PHACTR1: variants seen among roughly 807,000 people sequenced by gnomAD.
The protein encoded by PHACTR1 is RPEL repeat containing 1.
A neutral mutation model predicts 69.2 loss-of-function variants in PHACTR1; 16 were observed. The ratio of observed to expected loss-of-function variants is 0.23; its 90% CI spans 0.16 to 0.35. PHACTR1 has a LOEUF of 0.35. Among genes scored for constraint, PHACTR1 ranks in the 10% least tolerant of loss-of-function variants. PHACTR1 has a pLI of 1.00. For missense variants in PHACTR1, 510 were observed against 734.7 expected (o/e 0.69, Z 3.54); for synonymous variants, 312 against 284.5 (o/e 1.10, Z -0.97).
chr6:13,177,429 GTA>G (rs1014238567), intron 6 of PHACTR1, among the ~76,000 whole-genome samples: 1 of 73,656 alleles, frequency 1.4e-5, no homozygotes, highest in Admixed American at 1.8e-4. Context: ...ATATATGTAT[GTA>G]TGTGTATATA....
intron 4 of PHACTR1, among the ~76,000 whole-genome samples, chr6:12,838,530 A>C (rs1778386099): frequency 6.6e-6 from 1 of 152,234 alleles, no homozygotes; most frequent in African/African-American, 2.4e-5. Flanking sequence ...GGAAAATATT[A>C]AAAGTAGTAG....
intron 3 of PHACTR1, among the ~76,000 whole-genome samples, chr6:12,731,904 C>T (rs867553500): frequency 3.4e-4 from 51 of 151,606 alleles, no homozygotes; most frequent in Non-Finnish European, 4.9e-4. Context: ...CAATGTTGTG[C>T]GATACAAATG....
chr6:12,964,279 A>G (rs1024324050), intron 4 of PHACTR1, among the ~76,000 whole-genome samples: 10 of 152,332 alleles, frequency 6.6e-5, no homozygotes, highest in African/African-American at 2.2e-4. Flanking sequence ...TGTACATAAA[A>G]TTTTAACAAA....
intron 5 of PHACTR1, among the ~76,000 whole-genome samples, chr6:13,148,693 CCT>C (rs1554139132): frequency 6.6e-6 from 1 of 152,204 alleles, no homozygotes; most frequent in Non-Finnish European, 1.5e-5. Context: ...ACATGGTCTA[CCT>C]CATACTGTAT....
chr6:12,783,637 A>T (rs1229562275), intron 4 of PHACTR1, among the ~76,000 whole-genome samples: 1 of 152,186 alleles, frequency 6.6e-6, no homozygotes, highest in Non-Finnish European at 1.5e-5. Flanking sequence ...TGTAACAGTT[A>T]ACCTTTATTG....
At chr6:13,013,072 A>C (rs1245330593) in intron 4 of PHACTR1, among the ~76,000 whole-genome samples, 1 of 152,110 alleles carries the variant, frequency 6.6e-6, no homozygotes, top group Non-Finnish European at 1.5e-5. Flanking sequence ...TTTGTTTTTT[A>C]AAGAAAAGAC....
intron 4 of PHACTR1, among the ~76,000 whole-genome samples, chr6:12,750,701 T>C (rs6458439): frequency 0.48 from 73,079 of 151,980 alleles, 19,244 homozygotes; most frequent in African/African-American, 0.7. Context: ...CTGCTGCTCC[T>C]AACTCGACTC....
rs948620842 is a variant in PHACTR1 at position 13,024,412 on chromosome 6, C to T, written c.251-28953C>T. Among the ~76,000 whole-genome samples the T allele has an allele frequency of 2.6e-5, 4 of 152,156 alleles. No individual in the cohort carries two copies. The East Asian group carries it at 7.7e-4, about 29-fold the overall frequency. ...ACTGTCACCGGTCTGATGAGCTGAC[C>T]TAATCCACATGATGAGAGGATGTGT... On this transcript the variant is annotated intron_variant, in intron 4 of 14. Coordinates refer to ENST00000332995, the MANE Select transcript of PHACTR1 (RefSeq NM_030948.6).
At chr6:12,753,970 A>ATATAT (rs1490045072) in intron 4 of PHACTR1, among the ~76,000 whole-genome samples, 1 of 134,498 alleles carries the variant, frequency 7.4e-6, no homozygotes, top group Non-Finnish European at 1.6e-5. Context: ...ATATATATAT[A>ATATAT]TTTTTTTTTT....
At chr6:13,285,165 G>C (rs1781396721) in intron 13 of PHACTR1, among the ~76,000 whole-genome samples, 1 of 152,236 alleles carries the variant, frequency 6.6e-6, no homozygotes, top group Non-Finnish European at 1.5e-5. Flanking sequence ...CCCTCATAGA[G>C]TTCTGAGTAG....
At chr6:13,190,015 C>T (rs56160191) in intron 7 of PHACTR1, among the ~76,000 whole-genome samples, 45,856 of 142,176 alleles carry the variant, frequency 0.32, 7,535 homozygotes, top group Admixed American at 0.41. Context: ...TCTCTGATAT[C>T]TCTTCTGCTT....
rs79967080 is a variant in PHACTR1 at position 12,867,353 on chromosome 6, C to T, written c.250+117563C>T. 4.8e-3 allele frequency among the ~76,000 whole-genome samples: 726 copies of T among 152,316 alleles called. 4 individuals are homozygous for T. Among genetic ancestry groups the T allele is most frequent in the African/African-American group, 0.017 (698 of 41,564 alleles). ...TCATTGCAAACTGGAAATAACAATA[C>T]CTAAATGATCAAGTTCTTCCAACAA... is the stretch of plus-strand genomic sequence containing the variant. On this transcript the variant is annotated intron_variant, in intron 4 of 14. Transcript: ENST00000332995.
intron 5 of PHACTR1, among the ~76,000 whole-genome samples, chr6:13,056,675 C>T (rs974777038): frequency 6.6e-6 from 1 of 152,144 alleles, no homozygotes; most frequent in African/African-American, 2.4e-5. Flanking sequence ...AACTCTGATA[C>T]AGCATGGGCA....
intron 3 of PHACTR1, among the ~76,000 whole-genome samples, chr6:12,721,158 G>T (rs555010659): frequency 9.8e-4 from 149 of 152,272 alleles, no homozygotes; most frequent in African/African-American, 3.4e-3. Context: ...AGCCGAGGCG[G>T]GTGGATCACT....
intron 4 of PHACTR1, among the ~76,000 whole-genome samples, chr6:12,999,216 G>T (rs546344737): frequency 2.3e-4 from 35 of 152,334 alleles, no homozygotes; most frequent in African/African-American, 8.2e-4. Flanking sequence ...AAGGGTTGAA[G>T]AATCTTGTGA....
chr6:13,255,159 A>G (rs1184944039), intron 10 of PHACTR1, among the ~76,000 whole-genome samples: 2 of 152,322 alleles, frequency 1.3e-5, no homozygotes, highest in African/African-American at 2.4e-5. Flanking sequence ...AATGTGTCAT[A>G]CATGCTAGGA....
chr6:12,731,097 C>G (rs906816901), intron 3 of PHACTR1, among the ~76,000 whole-genome samples: 1 of 151,594 alleles, frequency 6.6e-6, no homozygotes, highest in Non-Finnish European at 1.5e-5. Context: ...CTCACTGCAA[C>G]CTCTGCCTCC....
intron 4 of PHACTR1, among the ~76,000 whole-genome samples, chr6:12,958,914 C>T (rs972656655): frequency 1.3e-5 from 2 of 152,210 alleles, no homozygotes; most frequent in Admixed American, 6.5e-5. Context: ...CGGTGGCTCA[C>T]GCCTATAATC....
intron 5 of PHACTR1, among the ~76,000 whole-genome samples, chr6:13,113,347 A>T (rs1242175766): frequency 6.6e-6 from 1 of 152,200 alleles, no homozygotes; most frequent in African/African-American, 2.4e-5. Context: ...AAGGGAGAAT[A>T]CATCAAAGAT....
Sources: allele counts gnomAD v4.1 joint callset (sites outside exome capture counted in the v4.1 genomes callset), GRCh38; gene constraint gnomAD v4.1.1; transcripts MANE v1.5; gene names NCBI Gene and HGNC (gene_info 2026-07-23, HGNC 2026-07-21).